Variants in XKR6 observed in about 807,000 individuals in gnomAD.
XKR6 encodes the protein XK-related protein 6.
A neutral mutation model predicts 56.7 loss-of-function variants in XKR6; 22 were observed. The observed-to-expected ratio is 0.39, with a 90% CI of 0.28 to 0.55. The LOEUF (loss-of-function observed/expected upper bound fraction) is 0.55. XKR6 is among the 20% of genes least tolerant of loss of function. XKR6 has a pLI of 0.66. For missense variants in XKR6, 852 were observed against 889.0 expected (o/e 0.96, Z 0.53); for synonymous variants, 524 against 387.8 (o/e 1.35, Z -4.13).
chr8:11,095,647 G>C (rs1254078807), intron 1 of XKR6, among the ~76,000 whole-genome samples: 1 of 152,182 alleles, frequency 6.6e-6, no homozygotes, highest in Non-Finnish European at 1.5e-5. Context: ...AGTAACTCAA[G>C]CCAAAATATA....
intron 1 of XKR6, chr8:11,108,283 T>G (rs777879690): frequency 1.4e-4 from 66 of 456,052 alleles, no homozygotes; most frequent in Non-Finnish European, 2.4e-4. Context: ...TCTTGACCAT[T>G]TTCCTGAAAA....
chr8:11,100,845 G>C (rs748562123), intron 1 of XKR6, among the ~76,000 whole-genome samples: 4 of 152,206 alleles, frequency 2.6e-5, no homozygotes, highest in African/African-American at 4.8e-5. Context: ...TTTTGTTGGC[G>C]TTGGCCTCCG....
chr8:10,987,277 A>C (rs1177816237), intron 1 of XKR6, among the ~76,000 whole-genome samples: 1 of 152,186 alleles, frequency 6.6e-6, no homozygotes, highest in Admixed American at 6.6e-5. Context: ...TGGAAATGTA[A>C]AGTGGTACTA....
At chr8:11,123,439 A>C (rs971122898) in intron 1 of XKR6, 1 of 160,174 alleles carries the variant, frequency 6.2e-6, no homozygotes, top group Non-Finnish European at 1.4e-5. Flanking sequence ...TTTCTACTTC[A>C]TATTGGACAG....
chr8:10,977,173 G>C (rs1301917150), intron 1 of XKR6, among the ~76,000 whole-genome samples: 1 of 152,144 alleles, frequency 6.6e-6, no homozygotes, highest in Non-Finnish European at 1.5e-5. Context: ...CCCCAGGTTG[G>C]GGTGCACTGC....
intron 1 of XKR6, among the ~76,000 whole-genome samples, chr8:10,928,372 T>C (rs1310500095): frequency 3.9e-5 from 6 of 152,234 alleles, no homozygotes; most frequent in African/African-American, 1.4e-4. Flanking sequence ...ACCTGGTGTC[T>C]GTCTCCCTCA....
intron 1 of XKR6, among the ~76,000 whole-genome samples, chr8:10,981,330 G>A (rs1245216513): frequency 6.6e-6 from 1 of 152,208 alleles, no homozygotes; most frequent in African/African-American, 2.4e-5. Context: ...GTTTTCGGAT[G>A]CACTGCACGT....
At chr8:10,955,480 C>T (rs533118654) in intron 1 of XKR6, among the ~76,000 whole-genome samples, 17 of 152,322 alleles carry the variant, frequency 1.1e-4, no homozygotes, top group Non-Finnish European at 1.6e-4. Flanking sequence ...CACATCCAGC[C>T]TCTCTGCCTT....
At chr8:11,155,951 C>G (rs989512658) in intron 1 of XKR6, among the ~76,000 whole-genome samples, 1 of 152,210 alleles carries the variant, frequency 6.6e-6, no homozygotes, top group Non-Finnish European at 1.5e-5. Context: ...GGCGCCTATT[C>G]TGTGTGAACT....
intron 2 of XKR6, among the ~76,000 whole-genome samples, chr8:10,922,377 C>T (rs1800747534): frequency 6.6e-6 from 1 of 152,230 alleles, no homozygotes; most frequent in Non-Finnish European, 1.5e-5. Context: ...ATGGAGGCCT[C>T]ACCAGGGAAC....
intron 1 of XKR6, among the ~76,000 whole-genome samples, chr8:10,955,840 T>C (rs1801870707): frequency 6.6e-6 from 1 of 152,232 alleles, no homozygotes; most frequent in African/African-American, 2.4e-5. Flanking sequence ...GGACACTTCC[T>C]TTTCCCATGC....
At chr8:11,059,619 G>A (rs868365354) in intron 1 of XKR6, among the ~76,000 whole-genome samples, 26 of 151,326 alleles carry the variant, frequency 1.7e-4, no homozygotes, top group Admixed American at 3.9e-4. Context: ...GGCGCTGGGG[G>A]CGCGGGGGGC....
At chr8:11,197,795 T>C (rs546287176) in intron 1 of XKR6, among the ~76,000 whole-genome samples, 1 of 152,374 alleles carries the variant, frequency 6.6e-6, no homozygotes, top group South Asian at 2.1e-4. Context: ...ATTTGCCATC[T>C]TGACAGGAAT....
At chr8:11,188,081 G>A (rs952396191) in intron 1 of XKR6, among the ~76,000 whole-genome samples, 1 of 151,924 alleles carries the variant, frequency 6.6e-6, no homozygotes, top group Non-Finnish European at 1.5e-5. Context: ...AGAATGAGAG[G>A]TTTTTCAGGA....
chr8:11,007,017 C>T (rs1462033838), intron 1 of XKR6, among the ~76,000 whole-genome samples: 1 of 152,046 alleles, frequency 6.6e-6, no homozygotes, highest in Non-Finnish European at 1.5e-5. Flanking sequence ...GGTAATGGAC[C>T]CCAAGAGGAA....
At chr8:11,069,650 G>A (rs2129166593) in intron 1 of XKR6, among the ~76,000 whole-genome samples, 1 of 152,232 alleles carries the variant, frequency 6.6e-6, no homozygotes, top group South Asian at 2.1e-4. Flanking sequence ...TCCAGAAGAG[G>A]GCTCCAGAGA....
At chr8:10,993,890 C>G (rs1698187170) in intron 1 of XKR6, among the ~76,000 whole-genome samples, 1 of 152,206 alleles carries the variant, frequency 6.6e-6, no homozygotes, top group Non-Finnish European at 1.5e-5. Context: ...TCAGCCCACC[C>G]CATGGCAATC....
chr8:11,117,106 C>T (rs531119089), intron 1 of XKR6, among the ~76,000 whole-genome samples: 2 of 152,134 alleles, frequency 1.3e-5, no homozygotes, highest in Non-Finnish European at 2.9e-5. Flanking sequence ...AAAACAAATG[C>T]TATTTATTTA....
At position 11,200,930 on chromosome 8, in the gene XKR6, A is replaced by G; in HGVS notation, c.410T>C (p.Leu137Pro). ...LDCLWIVLAL[L>P]VFFGDVGTDL... ...GGTGCCCACGTCCCCGAAGAACACC[A>G]GCAGCGCCAGCACGATCCACAGGCA... The change falls in exon 1 of 3, where the codon CTG becomes CCG. Residue 137 changes from leucine (L) to proline (P), a missense_variant. By Grantham distance (98) the Leu-to-Pro change is moderately conservative (BLOSUM62 -3). This residue lies in a region of XKR6 where 417 missense variants were observed against 355.2 expected (regional missense o/e 1.17). Transcript: ENST00000416569. This position sits in a 1 kb window ranked among gnomAD's most constrained non-coding sequence, Gnocchi z 6.4. The G allele has an allele frequency of 6.2e-7, 1 of 1,606,008 alleles. No homozygotes were observed. The highest frequency in any genetic ancestry group is 2.2e-5 in the East Asian group (1 of 44,598).
Sources: allele counts gnomAD v4.1 joint callset (sites outside exome capture counted in the v4.1 genomes callset), GRCh38; gene constraint gnomAD v4.1.1; regional missense constraint gnomAD v4.1.1; non-coding constraint Gnocchi (gnomAD v3.1); transcripts MANE v1.5; gene names NCBI Gene and HGNC (gene_info 2026-07-23, HGNC 2026-07-21).